The following COLQ variants were observed in gnomAD, a reference collection of about 807,000 sequenced individuals.
COLQ encodes acetylcholinesterase collagenic tail peptide.
Under a neutral mutation model 69.0 loss-of-function variants are expected in COLQ, and 48 were observed. The ratio of observed to expected loss-of-function variants is 0.70; its 90% CI spans 0.55 to 0.88. COLQ has a LOEUF of 0.88. Among genes scored for constraint, COLQ ranks in the 40% least tolerant of loss-of-function variants. The pLI is 0.00. For missense variants in COLQ, 618 were observed against 594.6 expected, an observed-to-expected ratio of 1.04 and a Z score of -0.41; for synonymous variants, 217 against 211.2, an observed-to-expected ratio of 1.03 and a Z score of -0.24.
intron 1 of COLQ, among the ~76,000 whole-genome samples, chr3:15,496,978 A>C (rs375560410): frequency 2.0e-5 from 3 of 148,384 alleles, no homozygotes; most frequent in African/African-American, 7.5e-5. Flanking sequence ...TCTGAAACTT[A>C]GTTTCCTCAT....
chr3:15,487,440 TG>T (rs1263104095), intron 3 of COLQ, among the ~76,000 whole-genome samples: 8 of 152,202 alleles, frequency 5.3e-5, no homozygotes, highest in Admixed American at 2.0e-4. Flanking sequence ...TCCCCTCTTG[TG>T]GGGCTTTGTA....
Position 15,502,843 on chromosome 3 carries a change from T to C in COLQ, c.107-13206A>G, listed in dbSNP as rs537447285. Among the ~76,000 whole-genome samples, 8 of 152,348 alleles carry C rather than the reference T, an allele frequency of 5.3e-5. No homozygotes were observed. In the South Asian group the frequency reaches 1.4e-3, roughly 28 times the overall value. Reference sequence around the variant, plus strand: ...AAGGAGCATTGCCTGCGCTGCATACTTGCAGACTCGTTTGGCAAAACCCAC... The same window carrying C: ...AAGGAGCATTGCCTGCGCTGCATACCTGCAGACTCGTTTGGCAAAACCCAC... On this transcript the variant is annotated intron_variant, in intron 1 of 16. Transcript: ENST00000383788.
In COLQ at chr3:15,451,462, T is replaced by G; in HGVS notation, c.*182A>C. 1.4e-6 allele frequency: 1 copy of G among 729,920 alleles called. No individual in the cohort carries two copies. Among genetic ancestry groups the G allele is most frequent in the East Asian group, 2.5e-5 (1 of 40,520 alleles). 45.2% of individuals were successfully genotyped at this position (729,920 alleles called of 1,614,324 possible). A position where few individuals can be genotyped will look rare whatever the true frequency, so the allele number is the denominator to read the frequency against. On this transcript the variant is annotated 3_prime_UTR_variant, in exon 17 of 17. Coordinates refer to ENST00000383788, the MANE Select transcript of COLQ (RefSeq NM_005677.4). ...TCCAGTACCTTGGATTAAGACAGGA[T>G]GCAGTGGTCCTAAATTCTTCCAGTC...
rs60324043 is a variant in COLQ, at chr3:15,498,469, C to CCA, written c.107-8834_107-8833dup. 3.8e-3 allele frequency: 5,326 copies of CCA among 1,415,314 alleles called. 27 individuals are homozygous for CCA. The highest frequency in any genetic ancestry group is 0.031 in the African/African-American group (2,147 of 70,286). The allele number at this position is 1,415,314 out of a possible 1,614,324, so 87.7% of individuals were successfully genotyped here. A position where few individuals can be genotyped will look rare whatever the true frequency, so the allele number is the denominator to read the frequency against. On this transcript the variant is annotated intron_variant, in intron 1 of 16. Transcript: ENST00000383788. ...TTTTTCCAAAACAATGCATGTGCATCCACACACACACACACACGTGCACAC... is the reference window on the plus strand; with the variant it reads ...TTTTTCCAAAACAATGCATGTGCATCCACACACACACACACACACGTGCACAC...
At chr3:15,513,155 T>C (rs1363681844) in intron 1 of COLQ, among the ~76,000 whole-genome samples, 1 of 152,198 alleles carries the variant, frequency 6.6e-6, no homozygotes, top group Non-Finnish European at 1.5e-5. Context: ...AAGGTAACTT[T>C]AGTGTTTTTA....
intron 7 of COLQ, 97 bp from the exon 8 acceptor site, chr3:15,475,048 T>C (rs1006729543): frequency 4.6e-6 from 6 of 1,302,616 alleles, no homozygotes; most frequent in South Asian, 1.2e-5. Flanking sequence ...TGGTAAGGTA[T>C]GTCTCCACAT....
intron 1 of COLQ, among the ~76,000 whole-genome samples, chr3:15,505,946 C>T (rs532185616): frequency 6.6e-6 from 1 of 152,354 alleles, no homozygotes; most frequent in South Asian, 2.1e-4. Flanking sequence ...CTGCACCCCC[C>T]ATCCCACCTC....
At chr3:15,474,137 T>A (rs1177240452) in intron 9 of COLQ, 91 bp downstream of exon 9, 5 of 1,594,454 alleles carry the variant, frequency 3.1e-6, no homozygotes, top group Non-Finnish European at 4.3e-6. Context: ...GGCCTGTCCA[T>A]CAGTCCATCA....
chr3:15,518,628 C>A (rs567157771), intron 1 of COLQ, among the ~76,000 whole-genome samples: 19 of 152,324 alleles, frequency 1.2e-4, no homozygotes, highest in African/African-American at 4.3e-4. Context: ...CTGCACATGG[C>A]ACTGCTGGAA....
chr3:15,502,363 C>T (rs1029832857), intron 1 of COLQ, among the ~76,000 whole-genome samples: 3 of 151,944 alleles, frequency 2.0e-5, no homozygotes, highest in Non-Finnish European at 2.9e-5. Flanking sequence ...GTGATCCACC[C>T]GCCTCAGCCT....
At chr3:15,459,782 C>A (rs916386923) in intron 12 of COLQ, among the ~76,000 whole-genome samples, 2 of 142,382 alleles carry the variant, frequency 1.4e-5, no homozygotes, top group East Asian at 4.2e-4. Context: ...CCTGGTCAGG[C>A]ACCCATATTT....
At chr3:15,457,558 G>A (rs2062042993) in intron 13 of COLQ, among the ~76,000 whole-genome samples, 1 of 152,088 alleles carries the variant, frequency 6.6e-6, no homozygotes, top group Admixed American at 6.6e-5. Flanking sequence ...CTAATAAAAA[G>A]TTTAAAATGT....
At chr3:15,479,412 G>T in intron 3 of COLQ, 30 bp from the exon 4 acceptor site, 1 of 1,610,500 alleles carries the variant, frequency 6.2e-7, no homozygotes, top group South Asian at 1.1e-5. Context: ...AGTGAAGAAA[G>T]TATATATCAG....
At chr3:15,509,311 A>G (rs1035220452) in intron 1 of COLQ, among the ~76,000 whole-genome samples, 7 of 152,204 alleles carry the variant, frequency 4.6e-5, no homozygotes, top group Non-Finnish European at 7.3e-5. Flanking sequence ...GTCTGTTCTG[A>G]TGTGGATGAA....
intron 1 of COLQ, among the ~76,000 whole-genome samples, chr3:15,510,075 C>A (rs866947302): frequency 1.4e-4 from 21 of 151,976 alleles, no homozygotes; most frequent in Non-Finnish European, 2.4e-4. Flanking sequence ...ACTCGGGAGG[C>A]TGAGGCAGGA....
intron 12 of COLQ, among the ~76,000 whole-genome samples, chr3:15,465,560 C>A (rs1196438949): frequency 6.6e-6 from 1 of 150,610 alleles, no homozygotes; most frequent in Admixed American, 6.6e-5. Flanking sequence ...CCCACCGCGC[C>A]CAGCCAACTT....
At chr3:15,515,165 T>C (rs1470737797) in intron 1 of COLQ, among the ~76,000 whole-genome samples, 1 of 152,206 alleles carries the variant, frequency 6.6e-6, no homozygotes, top group East Asian at 1.9e-4. Flanking sequence ...GTGGGTGGGA[T>C]ATTTTTGTCT....
chr3:15,478,622 G>C (rs1280687861), intron 5 of COLQ: 3 of 390,578 alleles, frequency 7.7e-6, no homozygotes, highest in Non-Finnish European at 1.4e-5. Context: ...ATCAAACAGA[G>C]AGTGACAGTC....
chr3:15,456,965 G>C (rs796959453), intron 13 of COLQ, among the ~76,000 whole-genome samples: 12 of 152,068 alleles, frequency 7.9e-5, no homozygotes, highest in Admixed American at 2.0e-4. Context: ...TGGGATTACA[G>C]GTGTGCACCA....
Sources: allele counts gnomAD v4.1 joint callset (sites outside exome capture counted in the v4.1 genomes callset), GRCh38; gene constraint gnomAD v4.1.1; transcripts MANE v1.5; gene names NCBI Gene and HGNC (gene_info 2026-07-23, HGNC 2026-07-21).